Variants in SNRPB observed in about 807,000 individuals in gnomAD.
SNRPB encodes small nuclear ribonucleoprotein polypeptides B and B1, also known as small nuclear ribonucleoprotein-associated proteins B and B'.
Under a neutral mutation model 26.6 loss-of-function variants are expected in SNRPB, and 5 were observed. The ratio of observed to expected loss-of-function variants is 0.19; its 90% CI spans 0.10 to 0.39. SNRPB has a LOEUF of 0.39. Ranked by LOEUF, SNRPB falls within the 10% of genes least tolerant of loss-of-function variation. The probability of loss-of-function intolerance (pLI) is 1.00; values close to 1 mark genes in which losing one functional copy is unlikely to be tolerated. For synonymous variants in SNRPB, 122 were observed against 105.8 expected, an observed-to-expected ratio of 1.15 and a Z score of -0.94; for missense variants, 211 against 311.9, an observed-to-expected ratio of 0.68 and a Z score of 2.44.
At chr20:2,466,321 TAA>T (rs1196374668) in intron 2 of SNRPB, among the ~76,000 whole-genome samples, 1 of 152,188 alleles carries the variant, frequency 6.6e-6, no homozygotes. Context: ...AGGAAAAGGT[TAA>T]GAGAAATTTC....
At chr20:2,468,052 C>A (rs1300028776) in intron 1 of SNRPB, among the ~76,000 whole-genome samples, 4 of 152,138 alleles carry the variant, frequency 2.6e-5, no homozygotes, top group Admixed American at 2.6e-4. Context: ...TATAGGGTGT[C>A]CCCAAAATAA....
At chr20:2,464,899 T>C (rs1269214170) in intron 3 of SNRPB, among the ~76,000 whole-genome samples, 2 of 150,634 alleles carry the variant, frequency 1.3e-5, no homozygotes, top group Non-Finnish European at 3.0e-5. Context: ...AAAAAAACCC[T>C]TCAAATGAAA....
In SNRPB at chr20:2,467,768, G is replaced by A. The variant is rs187446871; in HGVS notation, c.4-10C>T. The A allele has an allele frequency of 1.2e-6, 2 of 1,613,234 alleles. No homozygotes were observed. Among genetic ancestry groups the A allele is most frequent in the Admixed American group, 3.3e-5 (2 of 59,960 alleles). On this transcript the variant is annotated splice_polypyrimidine_tract_variant and intron_variant, in intron 1 of 6. Transcript: ENST00000381342. ...TGCTCTTGCCCACCGTCTGCAAGGA[G>A]AAATGGACAGGGATGAGACTCTGCT...
chr20:2,463,395 A>G lies in SNRPB; in HGVS notation c.421-168T>C, dbSNP rs1008070784. ...CCAAAACCACATGTCGGGAAAGATC[A>G]AGCTTGAATGCCCAACTCCCATCTT... On this transcript the variant is annotated intron_variant, in intron 4 of 6. Coordinates refer to ENST00000381342, the MANE Select transcript of SNRPB (RefSeq NM_003091.4). This position sits in a 1 kb window ranked among gnomAD's most constrained non-coding sequence, Gnocchi z 5.0. Among the ~76,000 whole-genome samples the G allele has an allele frequency of 6.6e-6, 1 of 152,234 alleles. No individual in the cohort carries two copies. Among genetic ancestry groups the G allele is most frequent in the Non-Finnish European group, 1.5e-5 (1 of 68,042 alleles).
chr20:2,469,949 CG>C (rs747525847), intron 1 of SNRPB, among the ~76,000 whole-genome samples: 1 of 152,126 alleles, frequency 6.6e-6, no homozygotes, highest in Non-Finnish European at 1.5e-5. Flanking sequence ...CCATTTTCGC[CG>C]GGAACATTCT....
intron 5 of SNRPB, 109 bp downstream of exon 5, chr20:2,462,980 G>A: frequency 8.6e-7 from 1 of 1,158,156 alleles, no homozygotes; most frequent in Non-Finnish European, 1.2e-6. Context: ...GAGTAATCCT[G>A]CTTAATTATA....
chr20:2,465,545 C>T (rs1366074310), intron 3 of SNRPB, among the ~76,000 whole-genome samples, 163 bp downstream of exon 3: 1 of 151,862 alleles, frequency 6.6e-6, no homozygotes, highest in South Asian at 2.1e-4. Flanking sequence ...CCACCGCGCC[C>T]GGCCTCTTGC....
At chr20:2,465,243 C>T (rs917447690) in intron 3 of SNRPB, among the ~76,000 whole-genome samples, 6 of 152,168 alleles carry the variant, frequency 3.9e-5, no homozygotes, top group Non-Finnish European at 5.9e-5. Flanking sequence ...TAGGCTTTGT[C>T]GTCACATTAA....
At position 2,463,560 on chromosome 20, in the gene SNRPB, T is replaced by G. The variant is rs1346979598; in HGVS notation, c.420+187A>C. Among the ~76,000 whole-genome samples the G allele has an allele frequency of 2.0e-5, 3 of 152,256 alleles. No individual in the cohort carries two copies. The highest frequency in any genetic ancestry group is 7.2e-5 in the African/African-American group (3 of 41,472). On this transcript the variant is annotated intron_variant, in intron 4 of 6. Coordinates refer to ENST00000381342, the MANE Select transcript of SNRPB (RefSeq NM_003091.4). The surrounding 1 kb of genome is among the most constrained non-coding windows in gnomAD (Gnocchi z 5.0). ...TAATTCGTACATCTCTTTAATAGCA[T>G]CAACATAATTTACAATGGCAACTTA...
chr20:2,465,066 T>G (rs776490489), intron 3 of SNRPB, among the ~76,000 whole-genome samples: 1 of 152,246 alleles, frequency 6.6e-6, no homozygotes, highest in Non-Finnish European at 1.5e-5. Context: ...CCCTGGTTTA[T>G]TCTATTTATA....
At chr20:2,467,326 A>G (rs1277998261) in intron 2 of SNRPB, 1 of 542,838 alleles carries the variant, frequency 1.8e-6, no homozygotes, top group Non-Finnish European at 3.5e-6. Context: ...CTGTGGGGAG[A>G]ACATGAGAGC....
Position 2,463,005 on chromosome 20 carries a change from G to T in SNRPB, c.559+84C>A. Reference sequence around the variant, plus strand: ...GCTTAATTATACAAACTCATCATCAGCTTCAGTCAAGGTTATATCTCATCA... The same window carrying T: ...GCTTAATTATACAAACTCATCATCATCTTCAGTCAAGGTTATATCTCATCA... On this transcript the variant is annotated intron_variant, in intron 5 of 6. Transcript: ENST00000381342. The surrounding 1 kb of genome is among the most constrained non-coding windows in gnomAD (Gnocchi z 5.0). 1 of 1,263,380 alleles carries T rather than the reference G, an allele frequency of 7.9e-7. No individual in the cohort carries two copies. Among genetic ancestry groups the T allele is most frequent in the Non-Finnish European group, 1.1e-6 (1 of 906,340 alleles). The allele number at this position is 1,263,380 out of a possible 1,614,324, so 78.3% of individuals were successfully genotyped here. A position where few individuals can be genotyped will look rare whatever the true frequency, so the allele number is the denominator to read the frequency against.
Position 2,463,642 on chromosome 20 carries a change from G to T in SNRPB, c.420+105C>A. Reference sequence around the variant, plus strand: ...AACCACAGTGAAACACTGATAGTCTGACAATCACAGGTTGGTCACTCTGGA... The same window carrying T: ...AACCACAGTGAAACACTGATAGTCTTACAATCACAGGTTGGTCACTCTGGA... On this transcript the variant is annotated intron_variant, in intron 4 of 6. Coordinates refer to ENST00000381342, the MANE Select transcript of SNRPB (RefSeq NM_003091.4). The surrounding 1 kb of genome is among the most constrained non-coding windows in gnomAD (Gnocchi z 5.0). The T allele has an allele frequency of 1.3e-6, 1 of 799,358 alleles. No homozygotes were observed. The highest frequency in any genetic ancestry group is 2.0e-6 in the Non-Finnish European group (1 of 491,248). The allele number at this position is 799,358 out of a possible 1,614,324, so 49.5% of individuals were successfully genotyped here.
In SNRPB at chr20:2,461,829, C is replaced by T. The variant is rs540630596; in HGVS notation, c.*100G>A. ...AACCAGACAATCCCATGAGACTCCA[C>T]GAACAACAGCATAAGAAACAAACAG... On this transcript the variant is annotated 3_prime_UTR_variant, in exon 7 of 7. Transcript: ENST00000381342. The T allele has an allele frequency of 1.3e-5, 21 of 1,613,802 alleles. No individual in the cohort carries two copies. Among genetic ancestry groups the T allele is most frequent in the Middle Eastern group, 1.7e-4 (1 of 6,060 alleles).
At chr20:2,465,628 G>T (rs562622553) in intron 3 of SNRPB, 80 bp downstream of exon 3, 3 of 947,974 alleles carry the variant, frequency 3.2e-6, no homozygotes, top group Admixed American at 4.2e-5. Context: ...TGTGAGAACT[G>T]CAATGAAACA....
Position 2,463,621 on chromosome 20 carries a change from A to G in SNRPB, c.420+126T>C. The G allele has an allele frequency of 4.1e-6, 3 of 725,064 alleles. No individual in the cohort carries two copies. The East Asian group carries it at 7.8e-5, about 19-fold the overall frequency. The allele number at this position is 725,064 out of a possible 1,614,324, so 44.9% of individuals were successfully genotyped here. On this transcript the variant is annotated intron_variant, in intron 4 of 6. Coordinates refer to ENST00000381342, the MANE Select transcript of SNRPB (RefSeq NM_003091.4). The surrounding 1 kb of genome is among the most constrained non-coding windows in gnomAD (Gnocchi z 5.0). ...TTGCTTCTAGGGCCATGTATAAACC[A>G]CAGTGAAACACTGATAGTCTGACAA...
At chr20:2,469,340 G>A (rs1327119350) in intron 1 of SNRPB, among the ~76,000 whole-genome samples, 1 of 152,138 alleles carries the variant, frequency 6.6e-6, no homozygotes, top group Non-Finnish European at 1.5e-5. Context: ...GAATATACAT[G>A]CCAGAGCTAG....
intron 6 of SNRPB, 148 bp downstream of exon 6, chr20:2,462,488 A>T (rs958232533): frequency 1.2e-6 from 1 of 807,072 alleles, no homozygotes; most frequent in African/African-American, 1.7e-5. Context: ...CAATTTAAGA[A>T]ATGTTCCCTC....
rs2085051460 is a variant in SNRPB, at chr20:2,463,702, T to C, written c.420+45A>G. 1 of 1,459,196 alleles carries C rather than the reference T, an allele frequency of 6.9e-7. No individual in the cohort carries two copies. The highest frequency in any genetic ancestry group is 9.3e-7 in the Non-Finnish European group (1 of 1,080,868). 90.4% of individuals were successfully genotyped at this position (1,459,196 alleles called of 1,614,324 possible). On this transcript the variant is annotated intron_variant, in intron 4 of 6. Coordinates refer to ENST00000381342, the MANE Select transcript of SNRPB (RefSeq NM_003091.4). This position sits in a 1 kb window ranked among gnomAD's most constrained non-coding sequence, Gnocchi z 5.0. ...AACTATGGACCCTCCCCTTTATCCT[T>C]TATTTTAGCCACCAGGAGGTGGTAC...
Sources: allele counts gnomAD v4.1 joint callset (sites outside exome capture counted in the v4.1 genomes callset), GRCh38; gene constraint gnomAD v4.1.1; non-coding constraint Gnocchi (gnomAD v3.1); transcripts MANE v1.5; gene names NCBI Gene and HGNC (gene_info 2026-07-23, HGNC 2026-07-21).